Variants in RIC3 observed in about 807,000 individuals in gnomAD.
RIC3 encodes protein RIC-3.
A neutral mutation model predicts 27.3 loss-of-function variants in RIC3; 28 were observed. The ratio of observed to expected loss-of-function variants is 1.02; its 90% confidence interval spans 0.76 to 1.41. The LOEUF (loss-of-function observed/expected upper bound fraction) is 1.41. Among genes scored for constraint, RIC3 ranks in the 40% most tolerant of loss-of-function variants. RIC3 has a pLI of 0.00. For missense variants in RIC3, 501 were observed against 444.7 expected (o/e 1.13, Z -1.14); for synonymous variants, 184 against 160.4 (o/e 1.15, Z -1.11).
chr11:8,161,974 C>G (rs922477370), intron 1 of RIC3, among the ~76,000 whole-genome samples: 1 of 94,860 alleles, frequency 1.1e-5, no homozygotes, highest in African/African-American at 4.4e-5. Context: ...AAATGAGACA[C>G]TCACTTTCTC....
the RIC3 span, among the ~76,000 whole-genome samples, chr11:8,100,004 G>A: frequency 3.3e-5 from 5 of 152,208 alleles, no homozygotes; most frequent in East Asian, 9.6e-4. Flanking sequence ...GAGCAGAGGA[G>A]AAAGATCATC....
chr11:8,160,959 G>C (rs1181549372), intron 1 of RIC3, among the ~76,000 whole-genome samples: 1 of 152,196 alleles, frequency 6.6e-6, no homozygotes, highest in Non-Finnish European at 1.5e-5. Context: ...AATCAATTTA[G>C]AAGTTTATTT....
chr11:8,124,241 C>A (rs558308207), intron 5 of RIC3, among the ~76,000 whole-genome samples: 1 of 152,100 alleles, frequency 6.6e-6, no homozygotes. Context: ...GAAAAAGGAA[C>A]ACATCCCAAT....
chr11:8,103,580 C>G (rs1944396595), downstream of RIC3: 1 of 152,600 alleles, frequency 6.6e-6, no homozygotes, highest in Non-Finnish European at 1.5e-5. Flanking sequence ...CTGTGAGAGA[C>G]CCCCTCCAAC....
the RIC3 span, chr11:8,096,781 C>T: frequency 6.2e-7 from 1 of 1,614,068 alleles, no homozygotes; most frequent in Non-Finnish European, 8.5e-7. Flanking sequence ...CGCCCCAGCT[C>T]TGCTACTAGC....
In RIC3 at chr11:8,110,320, A is replaced by G; in HGVS notation, c.*378T>C. On this transcript the variant is annotated 3_prime_UTR_variant, in exon 6 of 6. Transcript: ENST00000309737. ...TTCATTCTTGCAACCTTAAGTCCTC[A>G]TCATCTGTAAGCTGATGTTCGTTCA... The G allele has an allele frequency of 2.8e-6, 1 of 351,142 alleles. No individual in the cohort carries two copies. The highest frequency in any genetic ancestry group is 2.5e-5 in the South Asian group (1 of 40,736). 21.8% of individuals were successfully genotyped at this position (351,142 alleles called of 1,614,324 possible).
Position 8,168,979 on chromosome 11 carries a change from G to A in RIC3, c.11C>T (p.Ser4Phe). MAY[S>F]TVQRVALASG... The stretch of plus-strand genomic sequence containing the variant: ...AGCCAGAGCGACTCTCTGCACTGTG[G>A]AGTACGCCATGACTGCTCACGGTGG... Residue 4 changes from serine (S) to phenylalanine (F), a missense_variant, in exon 1 of 6, where the codon TCC becomes TTC. Coordinates refer to ENST00000309737, the MANE Select transcript of RIC3 (RefSeq NM_001206671.4). The A allele has an allele frequency of 6.3e-7, 1 of 1,599,324 alleles. No homozygotes were observed. Among genetic ancestry groups the A allele is most frequent in the South Asian group, 1.1e-5 (1 of 89,606 alleles).
intron 2 of RIC3, 147 bp downstream of exon 2, chr11:8,139,820 A>G (rs1244854095): frequency 1.4e-6 from 1 of 701,928 alleles, no homozygotes; most frequent in Non-Finnish European, 2.3e-6. Context: ...GGCTATCCTA[A>G]GTACCTCATG....
chr11:8,138,491 C>CA (rs58292164), intron 2 of RIC3, 144 bp from the exon 3 acceptor site: 14,517 of 288,074 alleles, frequency 0.05, 30 homozygotes, highest in Admixed American at 0.079. Context: ...AGAAATAGCT[C>CA]AAAAAAAAAA....
At chr11:8,124,071 AAAAG>A (rs1240055755) in intron 5 of RIC3, among the ~76,000 whole-genome samples, 14 of 150,872 alleles carry the variant, frequency 9.3e-5, no homozygotes, top group Admixed American at 2.6e-4. Context: ...CCTGAAAAAA[AAAAG>A]AAAGAAAGAA....
rs969287373 is a variant in RIC3, at chr11:8,109,429, C to A, written c.*1269G>T. ...TGCTATCTTGTCTCAAGAAGACACA[C>A]GTCAGATGCAGTAAGGAGAAAAGGC... is the stretch of plus-strand genomic sequence containing the variant. On this transcript the variant is annotated 3_prime_UTR_variant, in exon 6 of 6. Transcript: ENST00000309737. The A allele has an allele frequency of 1.3e-5, 2 of 151,996 alleles. No homozygotes were observed. The highest frequency in any genetic ancestry group is 2.9e-5 in the Non-Finnish European group (2 of 68,016). 9.4% of individuals were successfully genotyped at this position (151,996 alleles called of 1,614,324 possible).
chr11:8,110,682 T>C lies in RIC3; in HGVS notation c.*16A>G. ...ACCTTGGGACTTGAGTAATGGATACTTCAGACTGGCTGTTTTCACTCTAAA... is the reference window on the plus strand; with the variant it reads ...ACCTTGGGACTTGAGTAATGGATACCTCAGACTGGCTGTTTTCACTCTAAA... On this transcript the variant is annotated 3_prime_UTR_variant, in exon 6 of 6. Coordinates refer to ENST00000309737, the MANE Select transcript of RIC3 (RefSeq NM_001206671.4). 6.2e-7 allele frequency: 1 copy of C among 1,612,482 alleles called. No individual in the cohort carries two copies. The highest frequency in any genetic ancestry group is 8.5e-7 in the Non-Finnish European group (1 of 1,178,540).
At chr11:8,093,985 G>C in the RIC3 span, 1 of 1,606,286 alleles carries the variant, frequency 6.2e-7, no homozygotes, top group African/African-American at 1.3e-5. Flanking sequence ...GTTCAGGTGG[G>C]AGCTCTGGTC....
At chr11:8,098,084 AC>A in the RIC3 span, among the ~76,000 whole-genome samples, 1 of 152,012 alleles carries the variant, frequency 6.6e-6, no homozygotes, top group Non-Finnish European at 1.5e-5. Flanking sequence ...GATGGATCCA[AC>A]CCCAGGGTGT....
intron 1 of RIC3, among the ~76,000 whole-genome samples, chr11:8,162,477 C>A (rs766446089): frequency 2.6e-5 from 4 of 152,156 alleles, no homozygotes; most frequent in Non-Finnish European, 5.9e-5. Flanking sequence ...TTTCTCTTCT[C>A]CTTACACACT....
Position 8,138,263 on chromosome 11 carries a change from G to A in RIC3, c.427+9C>T, listed in dbSNP as rs769962527. On this transcript the variant is annotated intron_variant, in intron 3 of 5. Transcript: ENST00000309737. ...AATACCTGTGAATATACTGAGAAGGGGCACTTACTAATTTTCCTGTGGGTG... is the reference window on the plus strand; with the variant it reads ...AATACCTGTGAATATACTGAGAAGGAGCACTTACTAATTTTCCTGTGGGTG... 5.6e-6 allele frequency: 9 copies of A among 1,593,288 alleles called. No homozygotes were observed. The highest frequency in any genetic ancestry group is 6.9e-6 in the Non-Finnish European group (8 of 1,161,318).
chr11:8,161,089 T>C (rs1206234834), intron 1 of RIC3, among the ~76,000 whole-genome samples: 1 of 152,206 alleles, frequency 6.6e-6, no homozygotes, highest in Non-Finnish European at 1.5e-5. Flanking sequence ...TATGGTAATC[T>C]ATATGTTGCA....
intron 1 of RIC3, among the ~76,000 whole-genome samples, chr11:8,145,731 A>T (rs1426750999): frequency 6.6e-6 from 1 of 152,106 alleles, no homozygotes; most frequent in Admixed American, 6.6e-5. Context: ...AACACCAACT[A>T]CCAGAAAGGA....
downstream of RIC3, chr11:8,105,742 T>C (rs922687253): frequency 1.3e-5 from 2 of 152,210 alleles, no homozygotes; most frequent in African/African-American, 4.8e-5. Flanking sequence ...TGTGCCTTTT[T>C]TTCTTTCCTA....
Sources: gnomAD v4.1 joint callset for allele counts (sites outside exome capture counted in the v4.1 genomes callset) on GRCh38, gnomAD v4.1.1 for gene constraint, MANE v1.5 for transcripts, NCBI Gene and HGNC (gene_info 2026-07-23, HGNC 2026-07-21) for gene names.